Variants in MOXD1 observed in about 807,000 individuals in gnomAD.
The protein encoded by MOXD1 is DBH-like monooxygenase protein 1.
MOXD1 carries 62 observed loss-of-function variants against 66.6 expected under a neutral mutation model. The observed-to-expected ratio is 0.93, with a 90% CI of 0.76 to 1.15. The LOEUF (loss-of-function observed/expected upper bound fraction) is 1.15. MOXD1 is among the 50% of genes most tolerant of loss of function. The pLI, the probability that MOXD1 is intolerant of heterozygous loss-of-function variation, is 0.00. For missense variants in MOXD1, 847 were observed against 754.6 expected, an observed-to-expected ratio of 1.12 and a Z score of -1.44; for synonymous variants, 303 against 281.9, an observed-to-expected ratio of 1.07 and a Z score of -0.75.
At chr6:132,299,275 AGAGAGAGG>A (rs142155206) in intron 10 of MOXD1, among the ~76,000 whole-genome samples, 4,474 of 152,172 alleles carry the variant, frequency 0.029, 195 homozygotes, top group African/African-American at 0.1. Context: ...GAACTACTAG[AGAGAGAGG>A]GAGAGAGGGA....
chr6:132,384,285 C>CCTTCCTTCCTTCCTTCCTTCCTT (rs988203505), intron 1 of MOXD1, among the ~76,000 whole-genome samples: 1 of 94,910 alleles, frequency 1.1e-5, no homozygotes, highest in East Asian at 1.2e-3. Flanking sequence ...TTCCTTCCTT[C>CCTTCCTTCCTTCCTTCCTTCCTT]CTTCCTCCTT....
intron 4 of MOXD1, among the ~76,000 whole-genome samples, chr6:132,330,209 C>T (rs752132228): frequency 6.6e-5 from 10 of 152,214 alleles, no homozygotes; most frequent in East Asian, 1.9e-4. Context: ...GGAACTAGGC[C>T]GCACAGCAGG....
intron 4 of MOXD1, among the ~76,000 whole-genome samples, chr6:132,368,026 C>G (rs1426192482): frequency 1.3e-5 from 2 of 151,862 alleles, no homozygotes; most frequent in East Asian, 3.9e-4. Context: ...AGCAAATTTT[C>G]TATTAAATGG....
At chr6:132,298,641 A>G (rs536355331) in intron 10 of MOXD1, among the ~76,000 whole-genome samples, 3 of 152,144 alleles carry the variant, frequency 2.0e-5, no homozygotes, top group South Asian at 2.1e-4. Context: ...GAAGACATAC[A>G]TAAGGCCAAA....
chr6:132,310,265 C>T (rs1414361928), intron 10 of MOXD1, among the ~76,000 whole-genome samples: 2 of 152,166 alleles, frequency 1.3e-5, no homozygotes, highest in African/African-American at 2.4e-5. Flanking sequence ...CACTGATCAT[C>T]GGAGAAATGC....
chr6:132,299,060 G>A (rs183358708), intron 10 of MOXD1, among the ~76,000 whole-genome samples: 1 of 152,022 alleles, frequency 6.6e-6, no homozygotes, highest in Non-Finnish European at 1.5e-5. Context: ...AAGAAAATGT[G>A]GTACATATAC....
chr6:132,360,602 T>C (rs1775999207), intron 4 of MOXD1, among the ~76,000 whole-genome samples: 1 of 152,194 alleles, frequency 6.6e-6, no homozygotes, highest in African/African-American at 2.4e-5. Flanking sequence ...TGCTTTCTCC[T>C]TTCTTCTTCT....
chr6:132,379,249 A>C (rs1179935537), intron 1 of MOXD1, among the ~76,000 whole-genome samples: 1 of 152,128 alleles, frequency 6.6e-6, no homozygotes, highest in African/African-American at 2.4e-5. Flanking sequence ...TCAAAAGTCT[A>C]AAAAAGAAAA....
chr6:132,347,676 C>A (rs1341629344), intron 4 of MOXD1, among the ~76,000 whole-genome samples: 20 of 148,776 alleles, frequency 1.3e-4, no homozygotes, highest in South Asian at 2.1e-4. Context: ...GATCCTGTCT[C>A]AAAAAAAAAA....
At chr6:132,297,991 C>A (rs765372235) in intron 10 of MOXD1, 36 bp from the exon 11 acceptor site, 47 of 1,547,550 alleles carry the variant, frequency 3.0e-5, no homozygotes, top group Non-Finnish European at 3.8e-5. Flanking sequence ...ATATTCAGAA[C>A]AAATGCATTA....
chr6:132,324,114 T>C lies in MOXD1; in HGVS notation c.947-17A>G. On this transcript the variant is annotated splice_polypyrimidine_tract_variant and intron_variant, in intron 6 of 11. Transcript: ENST00000367963. ...CTATTAAGCCTAGAACAAAAGCACA[T>C]AATTAAAGTGATTTTTGGTTCTTAA... 1 of 1,597,010 alleles carries C rather than the reference T, an allele frequency of 6.3e-7. No homozygotes were observed.
intron 4 of MOXD1, among the ~76,000 whole-genome samples, chr6:132,352,441 T>C (rs1196603704): frequency 6.6e-6 from 1 of 152,244 alleles, no homozygotes; most frequent in Non-Finnish European, 1.5e-5. Context: ...TTGCATAGTT[T>C]TGAAGGTTCT....
chr6:132,304,992 C>T (rs1189418687), intron 10 of MOXD1, among the ~76,000 whole-genome samples: 1 of 152,184 alleles, frequency 6.6e-6, no homozygotes, highest in African/African-American at 2.4e-5. Context: ...TCTGCTTAAG[C>T]CTACCAAACT....
chr6:132,375,306 A>G (rs983678618), intron 1 of MOXD1, among the ~76,000 whole-genome samples: 5 of 152,234 alleles, frequency 3.3e-5, no homozygotes, highest in African/African-American at 1.2e-4. Context: ...ATTAAAATAA[A>G]ATGCAATGGG....
intron 10 of MOXD1, among the ~76,000 whole-genome samples, chr6:132,304,168 T>C (rs1774634991): frequency 6.6e-6 from 1 of 151,798 alleles, no homozygotes; most frequent in Admixed American, 6.6e-5. Context: ...TCCATGCTCA[T>C]GAATGGAATT....
chr6:132,328,594 C>T lies in MOXD1; in HGVS notation c.664G>A (p.Val222Ile). The T allele has an allele frequency of 6.2e-7, 1 of 1,612,904 alleles. No homozygotes were observed. The change falls in exon 5 of 12, where the codon GTT (valine) becomes ATT (isoleucine). Residue 222 changes from valine to isoleucine, a missense_variant and splice_region_variant. Transcript: ENST00000367963. ...TGGCCTCTCTGTATCACTGGCTCAA[C>T]CTACACGAACATAAATGAGAGGGAG... The part of the protein sequence containing the change: ...VFQEKHHVIK[V>I]EPVIQRGHES...
chr6:132,348,345 TA>T (rs1166005439), intron 4 of MOXD1, among the ~76,000 whole-genome samples: 1 of 152,240 alleles, frequency 6.6e-6, no homozygotes, highest in Non-Finnish European at 1.5e-5. Context: ...ATCTTCACCC[TA>T]ACTTAATCCA....
In MOXD1 at chr6:132,392,242, C is replaced by T. The variant is rs766055749; in HGVS notation, c.264+8921G>A. ...CAGCAAGTGGCCCGGCAGCAATTACCCTGCTGCTGAAGACACTTCGCATCA... is the reference window on the plus strand; with the variant it reads ...CAGCAAGTGGCCCGGCAGCAATTACTCTGCTGCTGAAGACACTTCGCATCA... On this transcript the variant is annotated intron_variant, in intron 1 of 11. Transcript: ENST00000367963. 6 of 1,602,786 alleles carry T rather than the reference C, an allele frequency of 3.7e-6. No homozygotes were observed. The South Asian group carries it at 6.8e-5, about 18-fold the overall frequency.
intron 4 of MOXD1, 28 bp from the exon 5 acceptor site, chr6:132,328,622 C>T: frequency 6.2e-7 from 1 of 1,605,300 alleles, no homozygotes. Context: ...AGAGGGAGGA[C>T]ACAATAAATA....
Sources: allele counts gnomAD v4.1 joint callset (sites outside exome capture counted in the v4.1 genomes callset), GRCh38; gene constraint gnomAD v4.1.1; transcripts MANE v1.5; gene names NCBI Gene and HGNC (gene_info 2026-07-23, HGNC 2026-07-21).